Variants in USP32 observed in about 807,000 individuals in gnomAD.
USP32 encodes ubiquitin carboxyl-terminal hydrolase 32.
A neutral mutation model predicts 204.8 loss-of-function variants in USP32; 59 were observed. The observed-to-expected ratio is 0.29, with a 90% CI of 0.23 to 0.36. USP32 has a LOEUF of 0.36. USP32 is among the 10% of genes least tolerant of loss of function. The pLI is 1.00. For missense variants in USP32, 1,160 were observed against 1,946.4 expected, an observed-to-expected ratio of 0.60 and a Z score of 7.60; for synonymous variants, 517 against 678.4, an observed-to-expected ratio of 0.76 and a Z score of 3.70.
chr17:60,280,380 G>A, intron 5 of USP32, among the ~76,000 whole-genome samples: 1 of 151,984 alleles, frequency 6.6e-6, no homozygotes, highest in Non-Finnish European at 1.5e-5. Flanking sequence ...TACAGGCTCG[G>A]GCTACTGCAC....
At chr17:60,370,766 A>C (rs2089424011) in intron 1 of USP32, among the ~76,000 whole-genome samples, 1 of 106,148 alleles carries the variant, frequency 9.4e-6, no homozygotes, top group African/African-American at 8.5e-5. Context: ...TACTGTCTCA[A>C]AAAAAAAAAA....
At chr17:60,249,730 T>C in intron 11 of USP32, 2 of 701,548 alleles carry the variant, frequency 2.9e-6, no homozygotes. Flanking sequence ...ATTTCTTGTA[T>C]ATATTTGGTC....
At chr17:60,238,376 T>G (rs571767978) in intron 11 of USP32, among the ~76,000 whole-genome samples, 56 of 152,198 alleles carry the variant, frequency 3.7e-4, no homozygotes, top group South Asian at 8.3e-4. Flanking sequence ...TGTATAAAAG[T>G]TTTAAGTTTT....
chr17:60,326,583 GC>G (rs1036869047), intron 2 of USP32, among the ~76,000 whole-genome samples: 6 of 152,296 alleles, frequency 3.9e-5, no homozygotes, highest in African/African-American at 1.4e-4. Context: ...AAAGGCATGA[GC>G]CACTGTGCCC....
chr17:60,266,023 C>T lies in USP32; in HGVS notation c.880G>A (p.Val294Ile). 1 of 1,614,066 alleles carries T rather than the reference C, an allele frequency of 6.2e-7. No homozygotes were observed. Among genetic ancestry groups the T allele is most frequent in the South Asian group, 1.1e-5 (1 of 91,076 alleles). ...LSRVELRDMVVALLEVWKDNR... is the reference protein window; with the variant it reads ...LSRVELRDMVIALLEVWKDNR... The stretch of plus-strand genomic sequence containing the variant: ...TCCTTCCAGACTTCTAAAAGTGCAA[C>T]CACCATGTCTCTCAGTTCAACCCTG... Residue 294 changes from valine (V) to isoleucine (I), a missense_variant, in exon 8 of 34, where the codon GTT becomes ATT. By Grantham distance (29) the Val-to-Ile change is conservative (BLOSUM62 3). Coordinates refer to ENST00000300896, the MANE Select transcript of USP32 (RefSeq NM_032582.4).
chr17:60,404,234 G>C (rs965068691), intron 1 of USP32, among the ~76,000 whole-genome samples: 2 of 152,052 alleles, frequency 1.3e-5, no homozygotes, highest in Non-Finnish European at 2.9e-5. Flanking sequence ...GAGGGAGAGA[G>C]AATGCAAATA....
At chr17:60,410,396 C>T (rs1237185585) in intron 1 of USP32, among the ~76,000 whole-genome samples, 13 of 152,188 alleles carry the variant, frequency 8.5e-5, no homozygotes, top group African/African-American at 1.2e-4. Flanking sequence ...TCGGTGGGCG[C>T]GGTGGCTCAT....
upstream of USP32, among the ~76,000 whole-genome samples, chr17:60,394,216 T>G (rs62082076): frequency 0.034 from 5,161 of 152,330 alleles, 142 homozygotes; most frequent in South Asian, 0.072. Flanking sequence ...TCAGTCATCT[T>G]CAGCCTGCAG....
chr17:60,361,403 T>C (rs1274862208), intron 1 of USP32, among the ~76,000 whole-genome samples: 2 of 152,218 alleles, frequency 1.3e-5, no homozygotes, highest in Admixed American at 6.6e-5. Context: ...ATGTGCTGTA[T>C]AGTTTTTCAT....
chr17:60,283,221 A>G (rs554126035), intron 5 of USP32, among the ~76,000 whole-genome samples: 10 of 152,334 alleles, frequency 6.6e-5, no homozygotes, highest in Admixed American at 1.3e-4. Context: ...TAGCTATAAT[A>G]TAAAAGTTCA....
At chr17:60,415,192 T>C (rs1598325210) in intron 1 of USP32, among the ~76,000 whole-genome samples, 1 of 152,160 alleles carries the variant, frequency 6.6e-6, no homozygotes, top group Admixed American at 6.5e-5. Flanking sequence ...CAAGAGGAGA[T>C]TCCTATCCAC....
intron 2 of USP32, among the ~76,000 whole-genome samples, chr17:60,316,713 C>T (rs1272096984): frequency 1.3e-5 from 2 of 151,852 alleles, no homozygotes; most frequent in Non-Finnish European, 2.9e-5. Context: ...TGGTGGTGGG[C>T]GCCTGTAGTC....
At chr17:60,338,855 A>C (rs576927485) in intron 2 of USP32, among the ~76,000 whole-genome samples, 1 of 152,312 alleles carries the variant, frequency 6.6e-6, no homozygotes, top group East Asian at 1.9e-4. Flanking sequence ...TATTCAAGTA[A>C]TACATGGTTA....
chr17:60,190,935 C>G (rs986597880), intron 28 of USP32, among the ~76,000 whole-genome samples: 1 of 152,122 alleles, frequency 6.6e-6, no homozygotes, highest in Non-Finnish European at 1.5e-5. Context: ...CTGTTAATCA[C>G]AGGAAGATGT....
chr17:60,304,122 A>G (rs1289078808), intron 2 of USP32, among the ~76,000 whole-genome samples: 1 of 152,178 alleles, frequency 6.6e-6, no homozygotes, highest in Non-Finnish European at 1.5e-5. Context: ...GACAAATCAC[A>G]TTGAAACTTC....
At position 60,194,049 on chromosome 17, in the gene USP32, A is replaced by ATTT. The variant is rs1045307955; in HGVS notation, c.3435-1122_3435-1120dup. 1.3e-3 allele frequency among the ~76,000 whole-genome samples: 196 copies of ATTT among 145,718 alleles called. 1 individual carries two copies. The highest frequency in any genetic ancestry group is 4.5e-3 in the African/African-American group (181 of 39,934). Reference sequence around the variant, plus strand: ...CCTGCTCCCCCTGCAGACTTTTTCCATTTTTTTTTTTGAGACAGGGTATCA... The same window carrying ATTT: ...CCTGCTCCCCCTGCAGACTTTTTCCATTTTTTTTTTTTTTGAGACAGGGTATCA... On this transcript the variant is annotated intron_variant, in intron 27 of 33. Transcript: ENST00000300896.
At chr17:60,180,028 G>GTTTTTTTTTTTTTTTTTTTAAT (rs775809734) in intron 33 of USP32, among the ~76,000 whole-genome samples, 1 of 144,682 alleles carries the variant, frequency 6.9e-6, no homozygotes. Flanking sequence ...ACTAACTCCT[G>GTTTTTTTTTTTTTTTTTTTAAT]TTTTTTTTTT....
At chr17:60,191,400 TAAAAAAAAAAA>T (rs1158204624) in intron 28 of USP32, among the ~76,000 whole-genome samples, 6 of 58,412 alleles carry the variant, frequency 1.0e-4, no homozygotes, top group Non-Finnish European at 1.8e-4. Flanking sequence ...AGACTCTGTT[TAAAAAAAAAAA>T]AAAAAAAAAA....
chr17:60,341,472 C>G, intron 2 of USP32, among the ~76,000 whole-genome samples: 1 of 152,050 alleles, frequency 6.6e-6, no homozygotes, highest in East Asian at 1.9e-4. Context: ...GTTGAAAATT[C>G]TTTAGGAATG....
Sources: gnomAD v4.1 joint callset for allele counts (sites outside exome capture counted in the v4.1 genomes callset) on GRCh38, gnomAD v4.1.1 for gene constraint, MANE v1.5 for transcripts, NCBI Gene and HGNC (gene_info 2026-07-23, HGNC 2026-07-21) for gene names.